The following TAF2 variants were observed in gnomAD, a reference collection of about 807,000 sequenced individuals.
TAF2 encodes the protein transcription initiation factor TFIID subunit 2.
Under a neutral mutation model 138.5 loss-of-function variants are expected in TAF2, and 61 were observed. That is an observed-to-expected ratio of 0.44 (90% CI 0.36 to 0.54). TAF2 has a LOEUF of 0.54. TAF2 is among the 20% of genes least tolerant of loss of function. The pLI is 0.00. For missense variants in TAF2, 1,090 were observed against 1,427.9 expected (o/e 0.76, Z 3.81); for synonymous variants, 475 against 469.9 (o/e 1.01, Z -0.14).
At chr8:119,755,433 G>T (rs867174142) in intron 22 of TAF2, among the ~76,000 whole-genome samples, 8 of 152,200 alleles carry the variant, frequency 5.3e-5, no homozygotes, top group African/African-American at 1.7e-4. Flanking sequence ...GGAGGTGGAG[G>T]TTGCAGTGAG....
In TAF2 at chr8:119,747,949, C is replaced by T. The variant is rs1272078016; in HGVS notation, c.2879-1015G>A. ...AACAAGCCTGGGTAACATGGCGAAG[C>T]CCACTCTCTACTAAAAATACAAAAA... is the stretch of plus-strand genomic sequence containing the variant. On this transcript the variant is annotated intron_variant, in intron 22 of 25. Coordinates refer to ENST00000378164, the MANE Select transcript of TAF2 (RefSeq NM_003184.4). Among the ~76,000 whole-genome samples the T allele has an allele frequency of 3.3e-5, 5 of 152,108 alleles. No individual in the cohort carries two copies. The South Asian group carries it at 8.3e-4, about 25-fold the overall frequency.
chr8:119,813,811 G>C (rs1472713726), intron 3 of TAF2, among the ~76,000 whole-genome samples: 2 of 151,764 alleles, frequency 1.3e-5, no homozygotes, highest in African/African-American at 2.4e-5. Context: ...AATAATGAAA[G>C]GGGTGTGTTA....
At chr8:119,755,933 T>A in intron 22 of TAF2, 73 bp downstream of exon 22, 1 of 1,232,722 alleles carries the variant, frequency 8.1e-7, no homozygotes, top group Non-Finnish European at 1.2e-6. Context: ...TAAATGCTAT[T>A]GAATTGAAAA....
In TAF2 at chr8:119,762,467, A is replaced by G. The variant is rs1419520611; in HGVS notation, c.2506T>C (p.Phe836Leu). 2 of 1,614,014 alleles carry G rather than the reference A, an allele frequency of 1.2e-6. No homozygotes were observed. Among genetic ancestry groups the G allele is most frequent in the Non-Finnish European group, 1.7e-6 (2 of 1,179,950 alleles). ...GGAAGAAGTTTTTCCATATTCAAAA[A>G]TCTGGTGATTTCTTCAAGAATGAGT... ...VRLILEEITR[F>L]LNMEKLLPSY... is the part of the protein sequence containing the mutation. The change falls in exon 19 of 26, where the codon TTT becomes CTT. Residue 836 changes from phenylalanine (F) to leucine (L), a missense_variant. By Grantham distance (22) the Phe-to-Leu change is conservative. This residue lies in a region of TAF2 where 580 missense variants were observed against 719.6 expected (regional missense o/e 0.81). Coordinates refer to ENST00000378164, the MANE Select transcript of TAF2 (RefSeq NM_003184.4).
intron 2 of TAF2, among the ~76,000 whole-genome samples, chr8:119,828,431 G>A (rs2131273112): frequency 6.6e-6 from 1 of 152,210 alleles, no homozygotes; most frequent in Non-Finnish European, 1.5e-5. Context: ...ATACAATAAG[G>A]ACAAGAATCA....
intron 2 of TAF2, among the ~76,000 whole-genome samples, chr8:119,823,503 C>T (rs186526394): frequency 4.0e-5 from 6 of 150,204 alleles, no homozygotes; most frequent in Non-Finnish European, 5.9e-5. Flanking sequence ...CCACCATCCA[C>T]GTAAGATATG....
intron 24 of TAF2, 148 bp from the exon 25 acceptor site, chr8:119,742,804 G>T: frequency 8.8e-7 from 1 of 1,142,844 alleles, no homozygotes; most frequent in Non-Finnish European, 1.2e-6. Flanking sequence ...AATACTAGCT[G>T]GGTGGAGTGG....
At chr8:119,788,534 GAT>G (rs1823192823) in intron 13 of TAF2, 87 bp from the exon 14 acceptor site, 5 of 920,222 alleles carry the variant, frequency 5.4e-6, no homozygotes, top group Non-Finnish European at 8.1e-6. Flanking sequence ...TATAAATCAA[GAT>G]ATAAAATATT....
intron 18 of TAF2, among the ~76,000 whole-genome samples, chr8:119,763,214 C>T (rs1323183948): frequency 2.6e-5 from 4 of 152,028 alleles, no homozygotes; most frequent in African/African-American, 7.2e-5. Flanking sequence ...TGTTCAAATA[C>T]GGGGCAGGAA....
intron 20 of TAF2, 80 bp downstream of exon 20, chr8:119,760,519 C>G (rs565029533): frequency 2.6e-6 from 4 of 1,526,196 alleles, no homozygotes; most frequent in Admixed American, 1.8e-5. Flanking sequence ...ATACATATTA[C>G]GAAAACCCCA....
At chr8:119,757,196 G>A (rs551017820) in intron 21 of TAF2, among the ~76,000 whole-genome samples, 31 of 152,264 alleles carry the variant, frequency 2.0e-4, no homozygotes, top group African/African-American at 7.5e-4. Flanking sequence ...CCTAAAAGAT[G>A]TAGATTCTAA....
intron 3 of TAF2, among the ~76,000 whole-genome samples, chr8:119,811,003 C>G (rs1471078206): frequency 6.6e-6 from 1 of 152,094 alleles, no homozygotes; most frequent in Non-Finnish European, 1.5e-5. Flanking sequence ...TGTTTTCTTT[C>G]ATAATAACCT....
intron 6 of TAF2, among the ~76,000 whole-genome samples, chr8:119,799,896 T>C (rs964980604): frequency 3.9e-5 from 6 of 152,258 alleles, no homozygotes; most frequent in Non-Finnish European, 8.8e-5. Context: ...ATTTCTCTGA[T>C]GGCCAGTGAT....
chr8:119,768,482 T>C (rs1476218776), intron 18 of TAF2, among the ~76,000 whole-genome samples: 1 of 137,508 alleles, frequency 7.3e-6, no homozygotes, highest in African/African-American at 2.4e-5. Context: ...TTTTTCCTCT[T>C]GGTATTGATT....
In TAF2 at chr8:119,803,891, GATACCC is replaced by G; in HGVS notation, c.541_546del (p.Gly181_Tyr182del). 1 of 1,613,110 alleles carries G rather than the reference GATACCC, an allele frequency of 6.2e-7. No individual in the cohort carries two copies. The highest frequency in any genetic ancestry group is 8.5e-7 in the Non-Finnish European group (1 of 1,179,720). On this transcript the variant is annotated inframe_deletion, in exon 5 of 26. Coordinates refer to ENST00000378164, the MANE Select transcript of TAF2 (RefSeq NM_003184.4). The stretch of plus-strand genomic sequence containing the variant: ...TCTATAATCTACCTTGTAGAATTTT[GATACCC>G]ACAAGAGAAAACATGAGCACCTCTC...
At chr8:119,832,449 A>T in intron 1 of TAF2, 33 bp downstream of exon 1, 1 of 1,607,230 alleles carries the variant, frequency 6.2e-7, no homozygotes, top group Non-Finnish European at 8.5e-7. Flanking sequence ...CAACAAAACC[A>T]AAAGGAAGGA....
chr8:119,731,738 T>C lies in TAF2; in HGVS notation c.*186A>G, dbSNP rs1276768872. 5 of 640,210 alleles carry C rather than the reference T, an allele frequency of 7.8e-6. No homozygotes were observed. Among genetic ancestry groups the C allele is most frequent in the Non-Finnish European group, 1.4e-5 (5 of 368,180 alleles). 39.7% of individuals were successfully genotyped at this position (640,210 alleles called of 1,614,324 possible). A position where few individuals can be genotyped will look rare whatever the true frequency, so the allele number is the denominator to read the frequency against. On this transcript the variant is annotated 3_prime_UTR_variant, in exon 26 of 26. Transcript: ENST00000378164. ...AGTTTATCCAGAACTACAAAACACA[T>C]TTTCCTAATTAGATCCCAACTGTAT... is the stretch of plus-strand genomic sequence containing the variant.
At chr8:119,760,473 A>T in intron 20 of TAF2, 126 bp downstream of exon 20, 2 of 1,048,030 alleles carry the variant, frequency 1.9e-6, no homozygotes, top group Non-Finnish European at 2.7e-6. Context: ...TTTCTAAATC[A>T]CTAAGTCAAG....
chr8:119,806,439 A>G, intron 3 of TAF2, 38 bp from the exon 4 acceptor site: 10 of 1,434,356 alleles, frequency 7.0e-6, no homozygotes, highest in Non-Finnish European at 9.8e-6. Context: ...ATAATAAGCC[A>G]TGTATCTTAC....
Sources: allele counts gnomAD v4.1 joint callset (sites outside exome capture counted in the v4.1 genomes callset), GRCh38; gene constraint gnomAD v4.1.1; regional missense constraint gnomAD v4.1.1; transcripts MANE v1.5; gene names NCBI Gene and HGNC (gene_info 2026-07-23, HGNC 2026-07-21).